Variants in HECW1 observed in about 807,000 individuals in gnomAD.
HECW1 encodes HECT, C2 and WW domain containing E3 ubiquitin protein ligase 1, also known as E3 ubiquitin-protein ligase HECW1.
HECW1 carries 61 observed loss-of-function variants against 182.3 expected under a neutral mutation model. The observed-to-expected ratio is 0.33, with a 90% CI of 0.27 to 0.41. The LOEUF is 0.41. HECW1 is among the 10% of genes least tolerant of loss of function. The probability of loss-of-function intolerance (pLI) is 1.00; values close to 1 mark genes in which losing one functional copy is unlikely to be tolerated. For synonymous variants in HECW1, 859 were observed against 832.6 expected (o/e 1.03, Z -0.55); for missense variants, 1,739 against 2,108.9 (o/e 0.82, Z 3.44).
At chr7:43,348,882 A>G (rs1814026670) in intron 5 of HECW1, among the ~76,000 whole-genome samples, 1 of 152,236 alleles carries the variant, frequency 6.6e-6, no homozygotes, top group Non-Finnish European at 1.5e-5. Context: ...AGTGCTTGAT[A>G]TAATTTCAGT....
intron 3 of HECW1, among the ~76,000 whole-genome samples, chr7:43,293,953 G>A (rs1442167601): frequency 6.6e-6 from 1 of 152,108 alleles, no homozygotes; most frequent in Non-Finnish European, 1.5e-5. Context: ...CACATCTGAG[G>A]GATCTAGGTT....
rs1454685253 is a variant in HECW1 at position 43,320,736 on chromosome 7, G to A, written c.454G>A (p.Val152Met). The A allele has an allele frequency of 6.2e-7, 1 of 1,610,914 alleles. No individual in the cohort carries two copies. The highest frequency in any genetic ancestry group is 8.5e-7 in the Non-Finnish European group (1 of 1,177,006). ...IWKIDASSYF[V>M]EPETKICFKY... is the part of the protein sequence containing the mutation. The stretch of plus-strand genomic sequence containing the variant: ...GAAGATCGATGCCAGCTCGTACTTT[G>A]TGGAACGTGAGTACCTTTACCATTC... Residue 152 changes from valine (V) to methionine (M), a missense_variant, in exon 5 of 30, where the codon GTG becomes ATG. Coordinates refer to ENST00000395891, the MANE Select transcript of HECW1 (RefSeq NM_015052.5).
At chr7:43,127,806 G>A (rs1786439705) in intron 2 of HECW1, among the ~76,000 whole-genome samples, 1 of 151,950 alleles carries the variant, frequency 6.6e-6, no homozygotes, top group Non-Finnish European at 1.5e-5. Context: ...AAGTGCTGAT[G>A]GAGAAGCTGC....
At chr7:43,159,105 G>GTTTATTTATTTA (rs141662347) in intron 2 of HECW1, among the ~76,000 whole-genome samples, 203 of 150,774 alleles carry the variant, frequency 1.3e-3, no homozygotes, top group African/African-American at 4.5e-3. Context: ...GAATCTGACA[G>GTTTATTTATTTA]TTTATTTATT....
At chr7:43,137,750 A>G (rs1007820805) in intron 2 of HECW1, among the ~76,000 whole-genome samples, 1 of 151,872 alleles carries the variant, frequency 6.6e-6, no homozygotes, top group Non-Finnish European at 1.5e-5. Flanking sequence ...GGGTTTCACC[A>G]TGTTGCTCAG....
chr7:43,387,251 G>C (rs1280642017), intron 6 of HECW1, among the ~76,000 whole-genome samples: 1 of 151,800 alleles, frequency 6.6e-6, no homozygotes, highest in African/African-American at 2.4e-5. Context: ...TGAATGGATC[G>C]AGGTTATGGA....
intron 5 of HECW1, among the ~76,000 whole-genome samples, chr7:43,321,694 G>A (rs1456150763): frequency 8.5e-5 from 13 of 152,190 alleles, no homozygotes; most frequent in Non-Finnish European, 1.6e-4. Flanking sequence ...AAGATGCATG[G>A]CTAGGAATCT....
intron 20 of HECW1, 62 bp downstream of exon 20, chr7:43,500,844 G>C: frequency 1.5e-6 from 2 of 1,361,286 alleles, no homozygotes; most frequent in South Asian, 2.3e-5. Flanking sequence ...CCTCCATCAC[G>C]GCCACCCTGA....
At chr7:43,134,184 A>G (rs573566997) in intron 2 of HECW1, among the ~76,000 whole-genome samples, 2 of 152,088 alleles carry the variant, frequency 1.3e-5, no homozygotes, top group South Asian at 4.2e-4. Flanking sequence ...ACCTGAGGTC[A>G]GGAGTTCCAG....
intron 2 of HECW1, among the ~76,000 whole-genome samples, chr7:43,206,641 C>T (rs1795507154): frequency 6.6e-6 from 1 of 152,144 alleles, no homozygotes. Context: ...AGCTTCCCTC[C>T]CCCACCTCCC....
At chr7:43,522,926 G>C in intron 24 of HECW1, 1 of 346,092 alleles carries the variant, frequency 2.9e-6, no homozygotes, top group Non-Finnish European at 5.9e-6. Flanking sequence ...ACAGCTCCGT[G>C]GTGGGGATGT....
chr7:43,113,620 C>G (rs931149243), intron 1 of HECW1: 1 of 182,286 alleles, frequency 5.5e-6, no homozygotes, highest in African/African-American at 2.4e-5. Context: ...GTCATGTCGC[C>G]TACCGTATTG....
intron 16 of HECW1, among the ~76,000 whole-genome samples, chr7:43,477,043 G>A (rs1483314552): frequency 6.6e-6 from 1 of 152,056 alleles, no homozygotes; most frequent in Non-Finnish European, 1.5e-5. Flanking sequence ...AACAGACATC[G>A]CAGGCAACAC....
At chr7:43,264,785 A>AGT (rs1226676451) in intron 3 of HECW1, among the ~76,000 whole-genome samples, 2 of 150,286 alleles carry the variant, frequency 1.3e-5, no homozygotes, top group African/African-American at 4.9e-5. Flanking sequence ...CGGAGCTTGC[A>AGT]GTGAGCCGAG....
At chr7:43,272,900 CA>C (rs754786241) in intron 3 of HECW1, among the ~76,000 whole-genome samples, 2 of 152,136 alleles carry the variant, frequency 1.3e-5, no homozygotes, top group Non-Finnish European at 2.9e-5. Context: ...TTCACAATAG[CA>C]AAGACATGTA....
chr7:43,520,906 A>G (rs1427815549), intron 24 of HECW1, among the ~76,000 whole-genome samples: 1 of 152,172 alleles, frequency 6.6e-6, no homozygotes, highest in Non-Finnish European at 1.5e-5. Context: ...AAACTGGATC[A>G]GGGCAACATC....
chr7:43,220,122 T>A (rs1796819313), intron 2 of HECW1, among the ~76,000 whole-genome samples: 1 of 152,244 alleles, frequency 6.6e-6, no homozygotes, highest in Admixed American at 6.5e-5. Flanking sequence ...GAGTTCCCAG[T>A]ACCCCTTAGG....
At chr7:43,287,907 C>T (rs1162677416) in intron 3 of HECW1, among the ~76,000 whole-genome samples, 1 of 152,110 alleles carries the variant, frequency 6.6e-6, no homozygotes, top group Non-Finnish European at 1.5e-5. Context: ...CAGTCTGGTA[C>T]CTGAAAGAAT....
intron 16 of HECW1, among the ~76,000 whole-genome samples, chr7:43,478,129 G>T (rs2078287116): frequency 6.6e-6 from 1 of 152,154 alleles, no homozygotes; most frequent in African/African-American, 2.4e-5. Flanking sequence ...ATATTCGAGA[G>T]TGTTCGGCCA....
Sources: gnomAD v4.1 joint callset for allele counts (sites outside exome capture counted in the v4.1 genomes callset) on GRCh38, gnomAD v4.1.1 for gene constraint, MANE v1.5 for transcripts, NCBI Gene and HGNC (gene_info 2026-07-23, HGNC 2026-07-21) for gene names.